The following CAMTA1 variants were observed in gnomAD, a reference collection of about 807,000 sequenced individuals.
CAMTA1 encodes calmodulin-binding transcription activator 1.
In CAMTA1, 27 loss-of-function variants were observed where a neutral mutation model predicts 170.9. That is an observed-to-expected ratio of 0.16 (90% confidence interval 0.12 to 0.22). The LOEUF is 0.22. Ranked by LOEUF, CAMTA1 falls within the 10% of genes least tolerant of loss-of-function variation. CAMTA1 has a pLI of 1.00. For synonymous variants in CAMTA1, 833 were observed against 891.5 expected, an observed-to-expected ratio of 0.93 and a Z score of 1.17; for missense variants, 1,619 against 2,217.2, an observed-to-expected ratio of 0.73 and a Z score of 5.42.
chr1:7,579,826 C>A (rs772960429), intron 6 of CAMTA1, among the ~76,000 whole-genome samples: 3 of 152,196 alleles, frequency 2.0e-5, no homozygotes, highest in African/African-American at 4.8e-5. Context: ...TCCCCAAGTG[C>A]TGGGATTAGA....
At chr1:7,363,508 G>A (rs1275940896) in intron 5 of CAMTA1, among the ~76,000 whole-genome samples, 2 of 152,036 alleles carry the variant, frequency 1.3e-5, no homozygotes, top group African/African-American at 4.8e-5. Context: ...TTCCTCTTAC[G>A]CTGTCTTCTG....
chr1:7,217,587 T>C (rs1659982539), intron 4 of CAMTA1, among the ~76,000 whole-genome samples: 1 of 152,156 alleles, frequency 6.6e-6, no homozygotes, highest in African/African-American at 2.4e-5. Context: ...GCTGTACTTG[T>C]CTTTCTACAT....
At position 7,532,090 on chromosome 1, in the gene CAMTA1, A is replaced by G. The variant is rs77656541; in HGVS notation, c.510+64189A>G. 1.8e-3 allele frequency among the ~76,000 whole-genome samples: 277 copies of G among 152,288 alleles called. 1 individual carries two copies. Among genetic ancestry groups the G allele is most frequent in the Middle Eastern group, 3.4e-3 (1 of 294 alleles). On this transcript the variant is annotated intron_variant, in intron 6 of 22. Coordinates refer to ENST00000303635, the MANE Select transcript of CAMTA1 (RefSeq NM_015215.4). This position sits in a 1 kb window ranked among gnomAD's most constrained non-coding sequence, Gnocchi z 4.2. ...AAGGGGCAGGGGCGGCGAATGAGTG[A>G]CAGAAAAGGAGGCAGGTGACTCCAG...
chr1:7,601,304 C>T (rs529815678), intron 6 of CAMTA1, among the ~76,000 whole-genome samples: 11 of 150,158 alleles, frequency 7.3e-5, no homozygotes, highest in South Asian at 2.1e-4. Context: ...ACTTCTCAGA[C>T]GGTGCGGCCG....
At chr1:7,445,332 A>C (rs1006803546) in intron 5 of CAMTA1, among the ~76,000 whole-genome samples, 25 of 151,720 alleles carry the variant, frequency 1.6e-4, no homozygotes, top group Admixed American at 1.4e-3. Context: ...GCTATGAGGA[A>C]AGACTGCCCC....
At chr1:7,490,233 C>T (rs2093681754) in intron 6 of CAMTA1, among the ~76,000 whole-genome samples, 1 of 152,216 alleles carries the variant, frequency 6.6e-6, no homozygotes, top group South Asian at 2.1e-4. Flanking sequence ...GGGATTGCAC[C>T]GTGCACAATG....
At chr1:6,994,567 T>C (rs1157974343) in intron 3 of CAMTA1, among the ~76,000 whole-genome samples, 1 of 152,202 alleles carries the variant, frequency 6.6e-6, no homozygotes, top group Non-Finnish European at 1.5e-5. Context: ...AACGTGTCCT[T>C]TATTTCTGGC....
intron 3 of CAMTA1, among the ~76,000 whole-genome samples, chr1:6,929,909 C>A (rs1684080792): frequency 1.3e-5 from 2 of 152,232 alleles, no homozygotes; most frequent in African/African-American, 4.8e-5. Context: ...GGTCCATGAG[C>A]ACCTAGGAGG....
At chr1:7,279,454 G>A (rs976520681) in intron 5 of CAMTA1, among the ~76,000 whole-genome samples, 8 of 152,156 alleles carry the variant, frequency 5.3e-5, no homozygotes, top group African/African-American at 1.4e-4. Flanking sequence ...GAGCAGGGAA[G>A]CCAGGGGACC....
intron 4 of CAMTA1, among the ~76,000 whole-genome samples, chr1:7,203,687 C>T (rs1446391338): frequency 3.3e-5 from 5 of 151,220 alleles, no homozygotes; most frequent in Middle Eastern, 3.4e-3. Context: ...CATTTCTGTA[C>T]GGTTGATAAT....
intron 11 of CAMTA1, among the ~76,000 whole-genome samples, chr1:7,691,188 G>A (rs1398675282): frequency 6.6e-6 from 1 of 152,202 alleles, no homozygotes; most frequent in Non-Finnish European, 1.5e-5. Context: ...TGAACGATGA[G>A]CACAAGTTAA....
At chr1:6,975,427 C>T (rs1443508404) in intron 3 of CAMTA1, among the ~76,000 whole-genome samples, 1 of 152,020 alleles carries the variant, frequency 6.6e-6, no homozygotes, top group Non-Finnish European at 1.5e-5. Flanking sequence ...TGGGGATGCT[C>T]CTCTGTGCGC....
rs1202139446 is a variant in CAMTA1, at chr1:7,144,458, C to T, written c.302+53087C>T. On this transcript the variant is annotated intron_variant, in intron 4 of 22. Coordinates refer to ENST00000303635, the MANE Select transcript of CAMTA1 (RefSeq NM_015215.4). The surrounding 1 kb of genome is among the most constrained non-coding windows in gnomAD (Gnocchi z 4.0). ...ACACTGAGGCCACTGAGGGTAAGGG[C>T]CTGAACATATGAATTTTGGGGGACA... Among the ~76,000 whole-genome samples, 1 of 152,096 alleles carries T rather than the reference C, an allele frequency of 6.6e-6. No individual in the cohort carries two copies. The highest frequency in any genetic ancestry group is 1.5e-5 in the Non-Finnish European group (1 of 68,022).
chr1:6,820,740 GT>G (rs2148458179), intron 2 of CAMTA1, among the ~76,000 whole-genome samples: 1 of 152,288 alleles, frequency 6.6e-6, no homozygotes, highest in African/African-American at 2.4e-5. Context: ...AGAGTGCAAT[GT>G]AAGATCCTTT....
chr1:6,989,776 G>A (rs1003445994), intron 3 of CAMTA1, among the ~76,000 whole-genome samples: 1 of 152,158 alleles, frequency 6.6e-6, no homozygotes, highest in Non-Finnish European at 1.5e-5. Flanking sequence ...CACATCCTTT[G>A]TTTGCTAATG....
chr1:7,621,806 A>C (rs920279104), intron 6 of CAMTA1, among the ~76,000 whole-genome samples: 1 of 152,170 alleles, frequency 6.6e-6, no homozygotes, highest in African/African-American at 2.4e-5. Flanking sequence ...CCCTGGGACC[A>C]TTGCTTCCAA....
chr1:7,756,759 G>A (rs2096934193), intron 22 of CAMTA1, among the ~76,000 whole-genome samples: 1 of 151,878 alleles, frequency 6.6e-6, no homozygotes, highest in Admixed American at 6.6e-5. Context: ...GAGGTGGGAG[G>A]ATCATGTAAG....
chr1:7,766,967 C>T lies in CAMTA1; in HGVS notation c.*476C>T, dbSNP rs921712980. The T allele has an allele frequency of 3.2e-5, 5 of 155,106 alleles. No homozygotes were observed. Among genetic ancestry groups the T allele is most frequent in the Non-Finnish European group, 5.7e-5 (4 of 69,580 alleles). The allele number at this position is 155,106 out of a possible 1,614,324, so 9.6% of individuals were successfully genotyped here. On this transcript the variant is annotated 3_prime_UTR_variant, in exon 23 of 23. Transcript: ENST00000303635. ...GCCGGTTATTTCCAAGAAGCTGAAT[C>T]TTTGGGACTGATTCTCAGTGGAGGG...
At chr1:7,134,548 T>G (rs1558148965) in intron 4 of CAMTA1, among the ~76,000 whole-genome samples, 1 of 152,154 alleles carries the variant, frequency 6.6e-6, no homozygotes, top group Non-Finnish European at 1.5e-5. Flanking sequence ...GCTCAAGTGA[T>G]CCTTCCACCT....
Sources: allele counts gnomAD v4.1 joint callset (sites outside exome capture counted in the v4.1 genomes callset), GRCh38; gene constraint gnomAD v4.1.1; non-coding constraint Gnocchi (gnomAD v3.1); transcripts MANE v1.5; gene names NCBI Gene and HGNC (gene_info 2026-07-23, HGNC 2026-07-21).